GRID1: variants seen among roughly 807,000 people sequenced by gnomAD.
GRID1 encodes the protein glutamate ionotropic receptor delta type subunit 1.
In GRID1, 28 loss-of-function variants were observed where a neutral mutation model predicts 98.0. That is an observed-to-expected ratio of 0.29 (90% confidence interval 0.21 to 0.39). The LOEUF (loss-of-function observed/expected upper bound fraction) is 0.39, where lower values mean the gene tolerates loss of function less well. Among genes scored for constraint, GRID1 ranks in the 10% least tolerant of loss-of-function variants. The pLI is 1.00. For synonymous variants in GRID1, 553 were observed against 538.5 expected, an observed-to-expected ratio of 1.03 and a Z score of -0.37; for missense variants, 1,111 against 1,340.5, an observed-to-expected ratio of 0.83 and a Z score of 2.67.
At chr10:86,046,563 T>C (rs1843427413) in intron 4 of GRID1, among the ~76,000 whole-genome samples, 1 of 152,084 alleles carries the variant, frequency 6.6e-6, no homozygotes, top group South Asian at 2.1e-4. Context: ...ATTACAAATT[T>C]CTCTCTTCAT....
intron 5 of GRID1, among the ~76,000 whole-genome samples, chr10:85,913,421 C>T (rs958620649): frequency 2.6e-5 from 4 of 152,220 alleles, no homozygotes; most frequent in African/African-American, 9.7e-5. Context: ...TGACAACCGC[C>T]ACACAGGGCT....
intron 8 of GRID1, among the ~76,000 whole-genome samples, chr10:85,771,983 C>A (rs1158520056): frequency 6.6e-6 from 1 of 152,158 alleles, no homozygotes; most frequent in East Asian, 1.9e-4. Context: ...TAATAGACAT[C>A]TACAGAACTC....
intron 4 of GRID1, among the ~76,000 whole-genome samples, chr10:86,012,671 A>G (rs949741624): frequency 2.0e-5 from 3 of 152,284 alleles, no homozygotes; most frequent in African/African-American, 7.2e-5. Flanking sequence ...TAACTGGATC[A>G]TGAAGTGCTA....
At chr10:86,094,675 C>A (rs559903418) in intron 4 of GRID1, among the ~76,000 whole-genome samples, 1 of 151,616 alleles carries the variant, frequency 6.6e-6, no homozygotes, top group Admixed American at 6.6e-5. Flanking sequence ...AAAACACTGC[C>A]GAAAGAAATC....
chr10:86,063,566 T>A (rs924909081), intron 4 of GRID1, among the ~76,000 whole-genome samples: 5 of 152,246 alleles, frequency 3.3e-5, no homozygotes, highest in African/African-American at 9.6e-5. Context: ...CAGTACCAGA[T>A]GCTTAAATAA....
intron 8 of GRID1, among the ~76,000 whole-genome samples, chr10:85,733,901 T>C (rs977011878): frequency 1.3e-5 from 2 of 152,192 alleles, no homozygotes; most frequent in African/African-American, 4.8e-5. Flanking sequence ...TAAGTAATCA[T>C]TATTACCTTC....
At chr10:86,024,361 T>C (rs1236586411) in intron 4 of GRID1, among the ~76,000 whole-genome samples, 1 of 152,172 alleles carries the variant, frequency 6.6e-6, no homozygotes, top group East Asian at 1.9e-4. Flanking sequence ...CAGGCAGCAA[T>C]CACGGTGTGT....
In GRID1 at chr10:85,691,929, G is replaced by T. The variant is rs543239019; in HGVS notation, c.1997+31074C>A. Among the ~76,000 whole-genome samples the T allele has an allele frequency of 1.7e-3, 252 of 152,058 alleles. 1 individual carries two copies. The highest frequency in any genetic ancestry group is 3.1e-3 in the Non-Finnish European group (209 of 68,000). ...TTCCACCTCAGAGGTTTCTGCAGTC[G>T]GGGTCCCACTGCACACTGGGAGACT... On this transcript the variant is annotated intron_variant, in intron 12 of 15. Coordinates refer to ENST00000327946, the MANE Select transcript of GRID1 (RefSeq NM_017551.3).
chr10:85,665,679 T>C (rs1341243850), intron 12 of GRID1, among the ~76,000 whole-genome samples: 1 of 152,170 alleles, frequency 6.6e-6, no homozygotes, highest in Non-Finnish European at 1.5e-5. Flanking sequence ...GGAGTATTGA[T>C]TGCAAAGATT....
intron 4 of GRID1, among the ~76,000 whole-genome samples, chr10:86,017,380 A>G (rs549933712): frequency 6.6e-6 from 1 of 152,352 alleles, no homozygotes; most frequent in African/African-American, 2.4e-5. Flanking sequence ...AGGCTGGACT[A>G]CAGGGTCTCA....
intron 8 of GRID1, among the ~76,000 whole-genome samples, chr10:85,822,752 G>A (rs944989523): frequency 3.3e-5 from 5 of 152,070 alleles, no homozygotes; most frequent in South Asian, 4.2e-4. Context: ...TGTTTATTGC[G>A]GCACTATTCA....
chr10:86,148,084 TAACA>T (rs1845113055), intron 3 of GRID1, among the ~76,000 whole-genome samples: 1 of 152,228 alleles, frequency 6.6e-6, no homozygotes, highest in Non-Finnish European at 1.5e-5. Flanking sequence ...TCTGCAAGTA[TAACA>T]AACAGTCTTT....
intron 4 of GRID1, among the ~76,000 whole-genome samples, chr10:85,928,777 G>A (rs1469740230): frequency 4.6e-5 from 7 of 152,104 alleles, no homozygotes; most frequent in Admixed American, 4.6e-4. Context: ...CCTTGTAAAT[G>A]TCATGTTACT....
At chr10:86,111,989 G>T (rs1221471718) in intron 4 of GRID1, among the ~76,000 whole-genome samples, 4 of 152,250 alleles carry the variant, frequency 2.6e-5, no homozygotes, top group African/African-American at 9.6e-5. Flanking sequence ...CCACCATGAG[G>T]CTACAGTCCA....
At chr10:85,856,759 A>T (rs1048155986) in intron 6 of GRID1, among the ~76,000 whole-genome samples, 5 of 152,220 alleles carry the variant, frequency 3.3e-5, no homozygotes, top group Non-Finnish European at 7.3e-5. Context: ...GTGCAATAAA[A>T]CATTATTTTC....
chr10:85,829,331 C>T (rs118058920), intron 8 of GRID1, among the ~76,000 whole-genome samples: 2,218 of 152,086 alleles, frequency 0.015, 26 homozygotes, highest in Non-Finnish European at 0.023. Context: ...TATAACAAAC[C>T]CAGGGCCAAC....
At chr10:85,901,227 T>TTTTATTTTATTTTATTTTATTTA (rs1554838758) in intron 5 of GRID1, among the ~76,000 whole-genome samples, 1 of 146,274 alleles carries the variant, frequency 6.8e-6, no homozygotes, top group Admixed American at 6.8e-5. Context: ...TTTTATTTTA[T>TTTTATTTTATTTTATTTTATTTA]TTTATTTATT....
intron 4 of GRID1, among the ~76,000 whole-genome samples, chr10:86,138,217 C>A (rs149823732): frequency 1.1e-4 from 17 of 152,306 alleles, no homozygotes; most frequent in Non-Finnish European, 2.2e-4. Context: ...TTAATGGATT[C>A]TTTACAAATG....
At chr10:86,310,380 T>C (rs767589298) in intron 2 of GRID1, among the ~76,000 whole-genome samples, 22 of 152,140 alleles carry the variant, frequency 1.4e-4, no homozygotes, top group Non-Finnish European at 2.5e-4. Context: ...ATTGTGCCTC[T>C]CCATCCCCAG....
Sources: allele counts gnomAD v4.1 joint callset (sites outside exome capture counted in the v4.1 genomes callset), GRCh38; gene constraint gnomAD v4.1.1; transcripts MANE v1.5; gene names NCBI Gene and HGNC (gene_info 2026-07-23, HGNC 2026-07-21).